The following SHANK2 variants were observed in gnomAD, a reference collection of about 807,000 sequenced individuals.
The protein encoded by SHANK2 is SH3 and multiple ankyrin repeat domains 2.
Under a neutral mutation model 133.7 loss-of-function variants are expected in SHANK2, and 43 were observed. The ratio of observed to expected loss-of-function variants is 0.32; its 90% confidence interval spans 0.25 to 0.41. The LOEUF (loss-of-function observed/expected upper bound fraction) is 0.41, where lower values mean the gene tolerates loss of function less well. Among genes scored for constraint, SHANK2 ranks in the 10% least tolerant of loss-of-function variants. The probability of loss-of-function intolerance (pLI) is 1.00; values close to 1 mark genes in which losing one functional copy is unlikely to be tolerated. For synonymous variants in SHANK2, 1,017 were observed against 952.8 expected (o/e 1.07, Z -1.24); for missense variants, 1,994 against 2,235.8 (o/e 0.89, Z 2.18).
At chr11:71,097,437 T>A (rs1590907914) in intron 6 of SHANK2, among the ~76,000 whole-genome samples, 1 of 152,332 alleles carries the variant, frequency 6.6e-6, no homozygotes, top group East Asian at 1.9e-4. Context: ...TTAAGACTAT[T>A]CCTCAGGTTT....
chr11:71,073,002 G>A (rs2135973686), intron 9 of SHANK2, among the ~76,000 whole-genome samples: 1 of 152,114 alleles, frequency 6.6e-6, no homozygotes, highest in Non-Finnish European at 1.5e-5. Context: ...TGTACTTAAT[G>A]CCACCGAACT....
rs190004053 is a variant in SHANK2 at position 71,156,610 on chromosome 11, T to C, written c.-12-9272A>G. On this transcript the variant is annotated intron_variant, in intron 2 of 25. Transcript: ENST00000601538. The stretch of plus-strand genomic sequence containing the variant: ...TAATTCCTTCCTAAGCTGTGCCTCC[T>C]GACTCCAGCTCTGAGAACTAATTCC... Among the ~76,000 whole-genome samples, 4 of 152,336 alleles carry C rather than the reference T, an allele frequency of 2.6e-5. No homozygotes were observed. In the East Asian group the frequency reaches 5.8e-4, roughly 22 times the overall value.
chr11:70,534,514 G>A (rs12420437), intron 17 of SHANK2, among the ~76,000 whole-genome samples: 5 of 152,172 alleles, frequency 3.3e-5, no homozygotes, highest in Non-Finnish European at 7.4e-5. Context: ...CTGGGAGGCA[G>A]GTGCTGTCCC....
At chr11:71,059,774 C>A (rs1279751193) in intron 9 of SHANK2, among the ~76,000 whole-genome samples, 1 of 152,208 alleles carries the variant, frequency 6.6e-6, no homozygotes, top group African/African-American at 2.4e-5. Context: ...GTAAAGGCCG[C>A]CCCGTCTCTG....
intron 18 of SHANK2, 24 bp downstream of exon 18, chr11:70,502,772 A>T: frequency 1.5e-6 from 1 of 662,826 alleles, no homozygotes; most frequent in Non-Finnish European, 2.4e-6. Context: ...CCCAGGCTGG[A>T]GCTGGGCGAT....
At chr11:70,890,473 T>C (rs372675925) in intron 11 of SHANK2, among the ~76,000 whole-genome samples, 63 of 141,780 alleles carry the variant, frequency 4.4e-4, no homozygotes, top group Middle Eastern at 3.7e-3. Context: ...ACCCTGTCTC[T>C]ACTAAAAAAA....
At position 71,159,726 on chromosome 11, in the gene SHANK2, G is replaced by C. The variant is rs189437306; in HGVS notation, c.-12-12388C>G. 1.0e-3 allele frequency among the ~76,000 whole-genome samples: 155 copies of C among 152,282 alleles called. 1 individual carries two copies. The East Asian group carries it at 0.026, about 26-fold the overall frequency. ...AGGCCGGGCATGGTGGCTCATGCCC[G>C]TAATCCCAACACTTTGGGAGGCTGA... On this transcript the variant is annotated intron_variant, in intron 2 of 25. Transcript: ENST00000601538.
At chr11:70,619,153 A>T (rs1301975085) in intron 17 of SHANK2, among the ~76,000 whole-genome samples, 1 of 152,190 alleles carries the variant, frequency 6.6e-6, no homozygotes, top group African/African-American at 2.4e-5. Flanking sequence ...CAGCCTGACA[A>T]CCACCCTTGG....
intron 14 of SHANK2, among the ~76,000 whole-genome samples, chr11:70,765,175 T>C (rs1254646632): frequency 3.3e-5 from 5 of 152,140 alleles, no homozygotes; most frequent in African/African-American, 1.2e-4. Flanking sequence ...ATAGCCCACG[T>C]CTGTGTGCCA....
At chr11:70,892,733 C>T (rs1555074946) in intron 11 of SHANK2, among the ~76,000 whole-genome samples, 1 of 152,168 alleles carries the variant, frequency 6.6e-6, no homozygotes. Flanking sequence ...ACTGCTTACC[C>T]CCACAGGCCC....
chr11:70,657,533 G>A (rs1346634253), intron 17 of SHANK2, among the ~76,000 whole-genome samples: 1 of 152,200 alleles, frequency 6.6e-6, no homozygotes, highest in Non-Finnish European at 1.5e-5. Context: ...ACATGAACTG[G>A]GAGGAGCCAG....
chr11:70,873,040 C>T (rs137967915), intron 11 of SHANK2: 36 of 471,296 alleles, frequency 7.6e-5, no homozygotes, highest in Middle Eastern at 6.5e-4. Flanking sequence ...GTAGTTCCCA[C>T]GTCCATCCTG....
At chr11:71,064,342 G>T (rs964553827) in intron 9 of SHANK2, among the ~76,000 whole-genome samples, 11 of 152,288 alleles carry the variant, frequency 7.2e-5, no homozygotes, top group African/African-American at 2.6e-4. Context: ...GAGAGCCTGG[G>T]GACAGCTGGG....
intron 6 of SHANK2, among the ~76,000 whole-genome samples, chr11:71,108,890 C>A (rs77655377): frequency 6.6e-6 from 1 of 152,236 alleles, no homozygotes; most frequent in Non-Finnish European, 1.5e-5. Context: ...GACAGTCCCC[C>A]GGCAGTGCTC....
chr11:70,949,090 T>C (rs976026510), intron 10 of SHANK2, among the ~76,000 whole-genome samples: 75 of 152,234 alleles, frequency 4.9e-4, no homozygotes, highest in African/African-American at 1.8e-3. Flanking sequence ...CCCAGCTCCC[T>C]GCCAACCAGC....
Position 71,064,853 on chromosome 11 carries a change from G to A in SHANK2, c.1030-8295C>T, listed in dbSNP as rs928923513. Reference sequence around the variant, plus strand: ...CCACACTGGAGTCTCCTAAGAGGTCGGCACGTGGGGCCATTGGCAAGGAGC... The same window carrying A: ...CCACACTGGAGTCTCCTAAGAGGTCAGCACGTGGGGCCATTGGCAAGGAGC... On this transcript the variant is annotated intron_variant, in intron 9 of 25. Coordinates refer to ENST00000601538, the MANE Select transcript of SHANK2 (RefSeq NM_012309.5). Among the ~76,000 whole-genome samples, 14 of 152,174 alleles carry A rather than the reference G, an allele frequency of 9.2e-5. No homozygotes were observed. In the East Asian group the frequency reaches 1.9e-3, roughly 21 times the overall value.
At chr11:70,536,141 C>T (rs1450907902) in intron 17 of SHANK2, among the ~76,000 whole-genome samples, 1 of 152,170 alleles carries the variant, frequency 6.6e-6, no homozygotes, top group Non-Finnish European at 1.5e-5. Context: ...CCACCCAGGT[C>T]TGCTGGAGGC....
intron 17 of SHANK2, among the ~76,000 whole-genome samples, chr11:70,646,728 T>G (rs2061265989): frequency 6.6e-6 from 1 of 152,178 alleles, no homozygotes; most frequent in African/African-American, 2.4e-5. Flanking sequence ...TTGGAAAGAT[T>G]TTCAAGGAAT....
At chr11:70,643,605 C>T (rs1486944736) in intron 17 of SHANK2, among the ~76,000 whole-genome samples, 1 of 148,558 alleles carries the variant, frequency 6.7e-6, no homozygotes, top group Non-Finnish European at 1.5e-5. Flanking sequence ...TATTATTATA[C>T]TACAGTGGTT....
Sources: gnomAD v4.1 joint callset for allele counts (sites outside exome capture counted in the v4.1 genomes callset) on GRCh38, gnomAD v4.1.1 for gene constraint, MANE v1.5 for transcripts, NCBI Gene and HGNC (gene_info 2026-07-23, HGNC 2026-07-21) for gene names.